Variants in ZNF469 observed in about 807,000 individuals in gnomAD.
The protein encoded by ZNF469 is zinc finger protein 469.
Under a neutral mutation model 1.0 loss-of-function variants are expected in ZNF469, and 1 was observed. The ratio of observed to expected loss-of-function variants is 1.00; its 90% CI spans 0.35 to 4.73. ZNF469 has a LOEUF of 4.73. Among genes scored for constraint, ZNF469 ranks in the 30% most tolerant of loss-of-function variants. The probability of loss-of-function intolerance (pLI) is 0.16; values close to 1 mark genes in which losing one functional copy is unlikely to be tolerated. For synonymous variants in ZNF469, 2,703 were observed against 2,363.4 expected (o/e 1.14, Z -4.17); for missense variants, 6,100 against 5,356.3 (o/e 1.14, Z -4.33).
At chr16:88,324,747 G>A in the ZNF469 span, among the ~76,000 whole-genome samples, 2 of 152,240 alleles carry the variant, frequency 1.3e-5, no homozygotes, top group African/African-American at 4.8e-5. Flanking sequence ...CCTTCCAGAT[G>A]TTGCCATTGC....
chr16:88,378,738 T>C (rs560709577), upstream of ZNF469, among the ~76,000 whole-genome samples: 27 of 152,338 alleles, frequency 1.8e-4, no homozygotes, highest in South Asian at 1.9e-3. Flanking sequence ...ATCTTTGGGA[T>C]GGGCTCTTTG....
chr16:88,118,506 C>G, the ZNF469 span, among the ~76,000 whole-genome samples: 8 of 152,158 alleles, frequency 5.3e-5, no homozygotes, highest in African/African-American at 1.4e-4. Flanking sequence ...TGGGCTGACT[C>G]TCTGCTTTCT....
intron 1 of ZNF469, among the ~76,000 whole-genome samples, chr16:88,422,566 T>C (rs1399855690): frequency 7.7e-6 from 1 of 129,240 alleles, no homozygotes; most frequent in African/African-American, 3.0e-5. Context: ...GGCGGGTGGA[T>C]GGATGAATGT....
chr16:88,340,198 G>A, the ZNF469 span, among the ~76,000 whole-genome samples: 2,534 of 152,288 alleles, frequency 0.017, 109 homozygotes, highest in East Asian at 0.15. Flanking sequence ...AGGCCGGCAC[G>A]GCAGCTTAAG....
the ZNF469 span, among the ~76,000 whole-genome samples, chr16:88,151,516 T>A: frequency 6.6e-6 from 1 of 152,260 alleles, no homozygotes; most frequent in South Asian, 2.1e-4. The surrounding 1 kb of genome is among the most constrained non-coding windows in gnomAD (Gnocchi z 5.4). Flanking sequence ...AGTCCACAGA[T>A]GCGCAGGGCT....
chr16:88,382,360 G>C (rs1053351910), upstream of ZNF469, among the ~76,000 whole-genome samples: 1 of 152,248 alleles, frequency 6.6e-6, no homozygotes, highest in South Asian at 2.1e-4. Flanking sequence ...CTCTCTAGGG[G>C]CCTGGATGGC....
chr16:88,221,504 G>A, the ZNF469 span, among the ~76,000 whole-genome samples: 1 of 152,348 alleles, frequency 6.6e-6, no homozygotes, highest in South Asian at 2.1e-4. Flanking sequence ...GTCTCAGGGG[G>A]ACGGGAAGCC....
the ZNF469 span, among the ~76,000 whole-genome samples, chr16:88,309,728 A>T: frequency 2.0e-5 from 3 of 150,414 alleles, no homozygotes; most frequent in Admixed American, 2.0e-4. Context: ...CTCAGTGTTC[A>T]GGACACCTGG....
chr16:88,238,780 G>A, the ZNF469 span, among the ~76,000 whole-genome samples: 1 of 152,256 alleles, frequency 6.6e-6, no homozygotes. Flanking sequence ...CATGCCCTGT[G>A]ATAATCCACC....
the ZNF469 span, among the ~76,000 whole-genome samples, chr16:88,230,131 G>C: frequency 1.3e-5 from 2 of 152,234 alleles, no homozygotes; most frequent in African/African-American, 4.8e-5. Flanking sequence ...CCAAGGTCCA[G>C]GTGTCTTTGG....
the ZNF469 span, among the ~76,000 whole-genome samples, chr16:88,358,497 T>A: frequency 6.6e-6 from 1 of 151,876 alleles, no homozygotes; most frequent in Admixed American, 6.6e-5. Context: ...CATTCCGGGA[T>A]CCAGGAATCC....
At chr16:88,385,608 A>G (rs750361191) in intron 1 of ZNF469, among the ~76,000 whole-genome samples, 4 of 150,048 alleles carry the variant, frequency 2.7e-5, no homozygotes, top group South Asian at 4.2e-4. Context: ...GTGCCACCGC[A>G]TTCCAGCCTG....
In ZNF469 at chr16:88,427,599, GACC is replaced by G. The variant is rs1304064233; in HGVS notation, c.134_136del (p.Thr45del). The G allele has an allele frequency of 1.3e-6, 2 of 1,537,148 alleles. No individual in the cohort carries two copies. Among genetic ancestry groups the G allele is most frequent in the Non-Finnish European group, 1.7e-6 (2 of 1,146,496 alleles). On this transcript the variant is annotated inframe_deletion, in exon 3 of 3. Transcript: ENST00000565624. ...TGGAGGACAACACCCCAGCTACCAG[GACC>G]ACCAAGGGTGCCAGGGAGGCTGGCG...
At chr16:88,365,046 T>C in the ZNF469 span, among the ~76,000 whole-genome samples, 1 of 152,244 alleles carries the variant, frequency 6.6e-6, no homozygotes, top group Non-Finnish European at 1.5e-5. Flanking sequence ...TGTTTTACGA[T>C]GTTATTTCAA....
At chr16:88,413,215 C>T (rs766109347) in intron 1 of ZNF469, among the ~76,000 whole-genome samples, 32 of 152,220 alleles carry the variant, frequency 2.1e-4, no homozygotes, top group Non-Finnish European at 5.9e-5. Flanking sequence ...CCCGTGTGCA[C>T]GAGAGGCCGG....
chr16:88,320,746 C>A, the ZNF469 span, among the ~76,000 whole-genome samples: 1 of 152,174 alleles, frequency 6.6e-6, no homozygotes, highest in African/African-American at 2.4e-5. Context: ...TGGAGACCCG[C>A]AACAGCCTCC....
chr16:88,292,798 CAA>C, the ZNF469 span, among the ~76,000 whole-genome samples: 47 of 111,074 alleles, frequency 4.2e-4, no homozygotes, highest in African/African-American at 1.5e-3. Flanking sequence ...CCTGTGTTAT[CAA>C]AAAAAAAAAA....
chr16:88,141,485 A>G, the ZNF469 span, among the ~76,000 whole-genome samples: 1 of 131,844 alleles, frequency 7.6e-6, no homozygotes, highest in African/African-American at 2.8e-5. Flanking sequence ...CAGCCTGGGA[A>G]AGAGGTCCTG....
At chr16:88,180,691 T>C in the ZNF469 span, among the ~76,000 whole-genome samples, 1 of 152,128 alleles carries the variant, frequency 6.6e-6, no homozygotes, top group Admixed American at 6.5e-5. Context: ...GGAGAATTGC[T>C]TGAACCCATG....
Sources: gnomAD v4.1 joint callset for allele counts (sites outside exome capture counted in the v4.1 genomes callset) on GRCh38, gnomAD v4.1.1 for gene constraint, Gnocchi (gnomAD v3.1) non-coding constraint, MANE v1.5 for transcripts, NCBI Gene and HGNC (gene_info 2026-07-23, HGNC 2026-07-21) for gene names.